Variants in CELF2 observed in about 807,000 individuals in gnomAD.
CELF2 encodes the protein CUG triplet repeat RNA-binding protein 2.
In CELF2, 8 loss-of-function variants were observed where a neutral mutation model predicts 62.6. The observed-to-expected ratio is 0.13, with a 90% CI of 0.07 to 0.23. The LOEUF is 0.23. Among genes scored for constraint, CELF2 ranks in the 10% least tolerant of loss-of-function variants. The probability of loss-of-function intolerance (pLI) is 1.00; values close to 1 mark genes in which losing one functional copy is unlikely to be tolerated. For missense variants in CELF2, 333 were observed against 671.0 expected (o/e 0.50, Z 5.56); for synonymous variants, 258 against 250.0 (o/e 1.03, Z -0.30).
chr10:10,808,522 G>A (rs536188282), intron 1 of CELF2, among the ~76,000 whole-genome samples: 1 of 152,300 alleles, frequency 6.6e-6, no homozygotes, highest in South Asian at 2.1e-4. Flanking sequence ...GGAAGGCAAA[G>A]CTGTCAAATA....
Position 11,270,847 on chromosome 10 carries a change from G to T in CELF2, c.777+23G>T, listed in dbSNP as rs762562363. On this transcript the variant is annotated intron_variant, in intron 7 of 12. Transcript: ENST00000633077. The surrounding 1 kb of genome is among the most constrained non-coding windows in gnomAD (Gnocchi z 5.8). Reference sequence around the variant, plus strand: ...GCGGTAAGTGCTGGGCAATGCCGGCGTGGTCTTCACCCGCTGAAACTCTGC... The same window carrying T: ...GCGGTAAGTGCTGGGCAATGCCGGCTTGGTCTTCACCCGCTGAAACTCTGC... The T allele has an allele frequency of 3.0e-6, 4 of 1,350,004 alleles. No individual in the cohort carries two copies. Among genetic ancestry groups the T allele is most frequent in the South Asian group, 2.2e-5 (1 of 45,324 alleles). The allele number at this position is 1,350,004 out of a possible 1,614,324, so 83.6% of individuals were successfully genotyped here.
At chr10:10,666,795 G>A in the CELF2 span, among the ~76,000 whole-genome samples, 1 of 81,390 alleles carries the variant, frequency 1.2e-5, no homozygotes, top group African/African-American at 5.9e-5. Flanking sequence ...CCGGGAGGCG[G>A]AGCTTGCAGT....
At position 11,260,618 on chromosome 10, in the gene CELF2, G is replaced by A. The variant is rs1326867360; in HGVS notation, c.538+2746G>A. 2.6e-5 allele frequency among the ~76,000 whole-genome samples: 4 copies of A among 151,100 alleles called. No individual in the cohort carries two copies. The highest frequency in any genetic ancestry group is 7.3e-5 in the African/African-American group (3 of 41,072). On this transcript the variant is annotated intron_variant, in intron 5 of 12. Coordinates refer to ENST00000633077, the MANE Select transcript of CELF2 (RefSeq NM_001326342.2). The surrounding 1 kb of genome is among the most constrained non-coding windows in gnomAD (Gnocchi z 4.2). ...ATTTTATGCAAACGCTGGCTCAGTG[G>A]AAAGAGGAGAAAACTTTTCCCTCCC...
At chr10:10,698,755 A>G in the CELF2 span, among the ~76,000 whole-genome samples, 1 of 152,344 alleles carries the variant, frequency 6.6e-6, no homozygotes, top group South Asian at 2.1e-4. Flanking sequence ...CATGAAAGAC[A>G]GTACAAAAAT....
chr10:10,705,298 T>C, the CELF2 span, among the ~76,000 whole-genome samples: 2 of 151,488 alleles, frequency 1.3e-5, no homozygotes, highest in African/African-American at 4.9e-5. Flanking sequence ...GCTCTCAAAC[T>C]CTGTGCGTGT....
intron 4 of CELF2, among the ~76,000 whole-genome samples, chr10:11,257,048 CG>C (rs1565592831): frequency 6.6e-6 from 1 of 151,848 alleles, no homozygotes; most frequent in Non-Finnish European, 1.5e-5. Context: ...TCCTGTTGAG[CG>C]GTAACTAACC....
chr10:11,223,721 C>A lies in CELF2; in HGVS notation c.354+6214C>A, dbSNP rs529711746. Among the ~76,000 whole-genome samples the A allele has an allele frequency of 1.3e-5, 2 of 152,006 alleles. No homozygotes were observed. The highest frequency in any genetic ancestry group is 1.3e-4 in the Admixed American group (2 of 15,276). On this transcript the variant is annotated intron_variant, in intron 3 of 12. Coordinates refer to ENST00000633077, the MANE Select transcript of CELF2 (RefSeq NM_001326342.2). The surrounding 1 kb of genome is among the most constrained non-coding windows in gnomAD (Gnocchi z 5.1). ...AAAGGGGTAGGGGCAGAGTGTAGAC[C>A]CAGCCCCAAGTCGGGCTCAGCCAGG... is the stretch of plus-strand genomic sequence containing the variant.
intron 2 of CELF2, among the ~76,000 whole-genome samples, chr10:11,170,957 A>G (rs61830860): frequency 0.015 from 2,253 of 152,302 alleles, 32 homozygotes; most frequent in Non-Finnish European, 0.026. Flanking sequence ...CGAGTGATAG[A>G]TTAAAATCAC....
chr10:11,289,430 C>T (rs1242202099), intron 9 of CELF2, among the ~76,000 whole-genome samples: 4 of 152,202 alleles, frequency 2.6e-5, no homozygotes, highest in Non-Finnish European at 5.9e-5. Flanking sequence ...CTACAGCCCA[C>T]TCCACGCTGG....
At chr10:10,945,277 GT>G (rs1205590643) in intron 2 of CELF2, among the ~76,000 whole-genome samples, 1 of 152,226 alleles carries the variant, frequency 6.6e-6, no homozygotes, top group Non-Finnish European at 1.5e-5. Context: ...GCTTCATGCA[GT>G]AGCCTTGGGC....
At chr10:11,240,799 G>A (rs1346875318) in intron 3 of CELF2, among the ~76,000 whole-genome samples, 1 of 152,204 alleles carries the variant, frequency 6.6e-6, no homozygotes, top group Non-Finnish European at 1.5e-5. Context: ...CAATCTTTAT[G>A]TGTAGCGTGG....
chr10:10,634,864 T>C, the CELF2 span, among the ~76,000 whole-genome samples: 2 of 152,094 alleles, frequency 1.3e-5, no homozygotes, highest in Non-Finnish European at 2.9e-5. Flanking sequence ...GGTTTCCCCA[T>C]GTTCCCCAGG....
chr10:10,875,517 G>A (rs983789221), intron 1 of CELF2, among the ~76,000 whole-genome samples: 13 of 152,228 alleles, frequency 8.5e-5, no homozygotes, highest in Admixed American at 7.8e-4. Context: ...AAAGTGATGC[G>A]AAGCCATTCA....
At chr10:10,914,337 TA>T (rs889267586) in intron 1 of CELF2, among the ~76,000 whole-genome samples, 1 of 152,148 alleles carries the variant, frequency 6.6e-6, no homozygotes, top group Non-Finnish European at 1.5e-5. Flanking sequence ...CAACACTTCC[TA>T]AAAAAAGAAC....
chr10:10,848,733 A>G (rs11256865), intron 1 of CELF2, among the ~76,000 whole-genome samples: 9,735 of 152,214 alleles, frequency 0.064, 450 homozygotes, highest in East Asian at 0.21. Context: ...AGGGACATCA[A>G]CAGAACGGGT....
rs369583569 is a variant in CELF2 at position 10,927,352 on chromosome 10, A to AACAAAAC, written c.89+7354_89+7355insCAAAACA. 4.3e-4 allele frequency: 38 copies of AACAAAAC among 89,006 alleles called. 2 individuals carry two copies. The highest frequency in any genetic ancestry group is 2.0e-3 in the East Asian group (5 of 2,508). 5.5% of individuals were successfully genotyped at this position (89,006 alleles called of 1,614,324 possible). A position where few individuals can be genotyped will look rare whatever the true frequency, so the allele number is the denominator to read the frequency against. On this transcript the variant is annotated intron_variant, in intron 2 of 13. Transcript: ENST00000636488. ...AAGGAGAACCTAGTGACATTAAAAA[A>AACAAAAC]AAAAAAAAAAAAAACACCTTTTTCT...
intron 1 of CELF2, among the ~76,000 whole-genome samples, chr10:11,031,749 G>A (rs1182583833): frequency 6.6e-6 from 1 of 152,128 alleles, no homozygotes; most frequent in Non-Finnish European, 1.5e-5. Context: ...CCAAAGAATG[G>A]AATGTATATT....
chr10:11,164,817 G>A (rs2066576067), intron 1 of CELF2, among the ~76,000 whole-genome samples: 1 of 152,148 alleles, frequency 6.6e-6, no homozygotes, highest in Admixed American at 6.5e-5. Context: ...AGCGTGGGCA[G>A]CCAATCAGCT....
chr10:11,084,063 G>A lies in CELF2; in HGVS notation c.74+65900G>A, dbSNP rs115422110. On this transcript the variant is annotated intron_variant, in intron 1 of 12. Coordinates refer to ENST00000633077, the MANE Select transcript of CELF2 (RefSeq NM_001326342.2). ...ATCCGGTCCCTGCTGGTTGCCAGTGGTCTGAGCAAGTAATGTTTTGGCAAG... is the reference window on the plus strand; with the variant it reads ...ATCCGGTCCCTGCTGGTTGCCAGTGATCTGAGCAAGTAATGTTTTGGCAAG... 4.6e-3 allele frequency among the ~76,000 whole-genome samples: 700 copies of A among 152,160 alleles called. 5 individuals are homozygous for A. The highest frequency in any genetic ancestry group is 0.016 in the African/African-American group (660 of 41,510).
Sources: allele counts gnomAD v4.1 joint callset (sites outside exome capture counted in the v4.1 genomes callset), GRCh38; gene constraint gnomAD v4.1.1; non-coding constraint Gnocchi (gnomAD v3.1); transcripts MANE v1.5; gene names NCBI Gene and HGNC (gene_info 2026-07-23, HGNC 2026-07-21).